The following SDK1 variants were observed in gnomAD, a reference collection of about 807,000 sequenced individuals.
The protein encoded by SDK1 is protein sidekick-1.
A neutral mutation model predicts 245.5 loss-of-function variants in SDK1; 157 were observed. The observed-to-expected ratio is 0.64, with a 90% confidence interval of 0.56 to 0.73. SDK1 has a LOEUF of 0.73. Among genes scored for constraint, SDK1 ranks in the 30% least tolerant of loss-of-function variants. The pLI is 0.00. For synonymous variants in SDK1, 1,647 were observed against 1,278.5 expected (o/e 1.29, Z -6.15); for missense variants, 3,583 against 3,002.3 (o/e 1.19, Z -4.52).
At chr7:3,519,305 T>A (rs1244177728) in intron 1 of SDK1, among the ~76,000 whole-genome samples, 2 of 152,106 alleles carry the variant, frequency 1.3e-5, no homozygotes, top group Non-Finnish European at 2.9e-5. Context: ...CACAAAGAAG[T>A]GATAAATGTT....
At chr7:3,994,591 G>A (rs546526261) in intron 14 of SDK1, among the ~76,000 whole-genome samples, 7 of 150,100 alleles carry the variant, frequency 4.7e-5, no homozygotes, top group South Asian at 2.1e-4. Flanking sequence ...GCAGTGAGCC[G>A]CGATCGCACC....
chr7:3,854,167 C>G (rs1308519925), intron 5 of SDK1, among the ~76,000 whole-genome samples: 1 of 152,012 alleles, frequency 6.6e-6, no homozygotes, highest in African/African-American at 2.4e-5. Context: ...TCTTAGAAAA[C>G]TTTTAGGAGC....
intron 30 of SDK1, among the ~76,000 whole-genome samples, chr7:4,150,421 C>G (rs1392925005): frequency 6.6e-6 from 1 of 152,214 alleles, no homozygotes; most frequent in East Asian, 1.9e-4. Flanking sequence ...ACGGTTGTCT[C>G]CAGGCTGGCC....
chr7:4,020,414 G>A (rs151134084), intron 17 of SDK1, among the ~76,000 whole-genome samples: 17 of 152,280 alleles, frequency 1.1e-4, no homozygotes, highest in South Asian at 4.1e-4. Flanking sequence ...TGAAGCGAGC[G>A]TATGAATTCT....
intron 16 of SDK1, among the ~76,000 whole-genome samples, chr7:4,016,848 G>A (rs566995580): frequency 3.9e-5 from 6 of 152,240 alleles, no homozygotes; most frequent in South Asian, 4.1e-4. Flanking sequence ...GCAACTCCCC[G>A]ATGGAAATCA....
In SDK1 at chr7:3,493,172, C is replaced by T. The variant is rs186019393; in HGVS notation, c.299-125908C>T. ...TTCACCGTGTTAGCCAGGATGGTCTCGATCTCCTGACCTCATAATCCTCAC... is the reference window on the plus strand; with the variant it reads ...TTCACCGTGTTAGCCAGGATGGTCTTGATCTCCTGACCTCATAATCCTCAC... On this transcript the variant is annotated intron_variant, in intron 1 of 44. Transcript: ENST00000404826. 8.5e-5 allele frequency among the ~76,000 whole-genome samples: 13 copies of T among 152,194 alleles called. No homozygotes were observed. In the East Asian group the frequency reaches 2.1e-3, roughly 25 times the overall value.
At chr7:3,959,138 A>T (rs1781481407) in intron 8 of SDK1, 124 bp downstream of exon 8, 1 of 788,420 alleles carries the variant, frequency 1.3e-6, no homozygotes, top group Non-Finnish European at 2.2e-6. Context: ...AGCAGACTTC[A>T]GAGAGTAGAT....
intron 5 of SDK1, among the ~76,000 whole-genome samples, chr7:3,922,257 C>T (rs527958648): frequency 6.6e-6 from 1 of 152,190 alleles, no homozygotes; most frequent in Non-Finnish European, 1.5e-5. Context: ...AGCCATGGAT[C>T]TGGGGGCTGG....
intron 1 of SDK1, among the ~76,000 whole-genome samples, chr7:3,597,288 A>G (rs1044567924): frequency 6.6e-6 from 1 of 151,806 alleles, no homozygotes; most frequent in Non-Finnish European, 1.5e-5. Context: ...AAAAAAAAAA[A>G]AAAAGAGGAT....
At chr7:3,337,136 C>T (rs575262062) in intron 1 of SDK1, among the ~76,000 whole-genome samples, 12 of 152,162 alleles carry the variant, frequency 7.9e-5, no homozygotes, top group African/African-American at 2.9e-4. Context: ...TTGAAAGCTG[C>T]TATGATAAAA....
In SDK1 at chr7:3,975,701, C is replaced by T. The variant is rs58444628; in HGVS notation, c.1994+1156C>T. Reference sequence around the variant, plus strand: ...GGTTCACGATGTGTAGCAGTCAGTCCGGAAGGCCCTGTGGTGTCATCAGTA... The same window carrying T: ...GGTTCACGATGTGTAGCAGTCAGTCTGGAAGGCCCTGTGGTGTCATCAGTA... On this transcript the variant is annotated intron_variant, in intron 13 of 44. Coordinates refer to ENST00000404826, the MANE Select transcript of SDK1 (RefSeq NM_152744.4). Among the ~76,000 whole-genome samples, 767 of 152,346 alleles carry T rather than the reference C, an allele frequency of 5.0e-3. 6 individuals are homozygous for T. The highest frequency in any genetic ancestry group is 0.017 in the African/African-American group (717 of 41,590).
At chr7:4,002,552 C>T (rs1342899233) in intron 14 of SDK1, among the ~76,000 whole-genome samples, 1 of 108,488 alleles carries the variant, frequency 9.2e-6, no homozygotes, top group Non-Finnish European at 2.2e-5. Context: ...ACAAGAACTG[C>T]AGTATGGACC....
intron 4 of SDK1, among the ~76,000 whole-genome samples, chr7:3,779,630 A>T (rs1780666086): frequency 6.6e-6 from 1 of 152,228 alleles, no homozygotes; most frequent in South Asian, 2.1e-4. Context: ...TATTCAAAAA[A>T]TAATAAAGTT....
chr7:3,359,790 A>T (rs11982688), intron 1 of SDK1, among the ~76,000 whole-genome samples: 90,915 of 151,444 alleles, frequency 0.6, 28,193 homozygotes, highest in African/African-American at 0.77. Flanking sequence ...GGGATGTGAC[A>T]TTCCAGGGCA....
At chr7:4,185,291 C>T (rs1782821489) in intron 35 of SDK1, among the ~76,000 whole-genome samples, 1 of 152,190 alleles carries the variant, frequency 6.6e-6, no homozygotes, top group African/African-American at 2.4e-5. Context: ...CTTCAGATGA[C>T]CCAGCCAGAG....
intron 35 of SDK1, among the ~76,000 whole-genome samples, chr7:4,198,119 G>A (rs7810315): frequency 0.17 from 25,550 of 152,200 alleles, 2,340 homozygotes; most frequent in African/African-American, 0.2. Flanking sequence ...GTGCCCTCCT[G>A]GCCTCACTTG....
intron 1 of SDK1, among the ~76,000 whole-genome samples, chr7:3,480,503 G>T (rs192399131): frequency 6.6e-6 from 1 of 152,156 alleles, no homozygotes; most frequent in East Asian, 1.9e-4. Context: ...AGGAACTACC[G>T]GAAGAACTTC....
intron 1 of SDK1, among the ~76,000 whole-genome samples, chr7:3,354,555 C>T (rs1370733288): frequency 6.6e-6 from 1 of 152,126 alleles, no homozygotes; most frequent in Non-Finnish European, 1.5e-5. Flanking sequence ...TTTGTGGTGT[C>T]AGTGTATTAA....
At chr7:4,042,174 T>C (rs937907541) in intron 17 of SDK1, among the ~76,000 whole-genome samples, 10 of 135,930 alleles carry the variant, frequency 7.4e-5, no homozygotes, top group Non-Finnish European at 1.5e-4. Context: ...CTAACAGATA[T>C]CCCTGTCTCT....
Sources: gnomAD v4.1 joint callset for allele counts (sites outside exome capture counted in the v4.1 genomes callset) on GRCh38, gnomAD v4.1.1 for gene constraint, MANE v1.5 for transcripts, NCBI Gene and HGNC (gene_info 2026-07-23, HGNC 2026-07-21) for gene names.